The following ADCY1 variants were observed in gnomAD, a reference collection of about 807,000 sequenced individuals.
ADCY1 encodes the protein adenylate cyclase type 1.
A neutral mutation model predicts 105.4 loss-of-function variants in ADCY1; 28 were observed. That is an observed-to-expected ratio of 0.27 (90% CI 0.20 to 0.36). ADCY1 has a LOEUF of 0.36. Ranked by LOEUF, ADCY1 falls within the 10% of genes least tolerant of loss-of-function variation. The pLI, the probability that ADCY1 is intolerant of heterozygous loss-of-function variation, is 1.00. For missense variants in ADCY1, 977 were observed against 1,434.2 expected (o/e 0.68, Z 5.15); for synonymous variants, 655 against 623.8 (o/e 1.05, Z -0.75).
intron 2 of ADCY1, among the ~76,000 whole-genome samples, chr7:45,601,106 G>A (rs1408725463): frequency 1.3e-5 from 2 of 152,224 alleles, no homozygotes; most frequent in Non-Finnish European, 2.9e-5. Flanking sequence ...GGATGAGTGT[G>A]CCTGGACTGG....
intron 8 of ADCY1, among the ~76,000 whole-genome samples, chr7:45,672,621 A>G (rs1784386711): frequency 6.6e-6 from 1 of 152,050 alleles, no homozygotes; most frequent in South Asian, 2.1e-4. Context: ...CATCACTAAT[A>G]TAAAGAAATA....
intron 4 of ADCY1, among the ~76,000 whole-genome samples, chr7:45,631,085 T>A (rs1794235853): frequency 6.6e-6 from 1 of 152,208 alleles, no homozygotes; most frequent in Non-Finnish European, 1.5e-5. Flanking sequence ...AGGACAAGGT[T>A]TACACTCAAT....
chr7:45,677,757 T>C, intron 8 of ADCY1, 112 bp from the exon 9 acceptor site: 2 of 1,173,618 alleles, frequency 1.7e-6, no homozygotes, highest in Non-Finnish European at 2.4e-6. Context: ...AATGTCAGAT[T>C]CCCAAACCCG....
At chr7:45,585,364 G>A (rs1336508947) in intron 1 of ADCY1, among the ~76,000 whole-genome samples, 1 of 150,688 alleles carries the variant, frequency 6.6e-6, no homozygotes, top group African/African-American at 2.4e-5. Flanking sequence ...CATCACAGAT[G>A]TTTCATGAGC....
intron 11 of ADCY1, chr7:45,684,719 A>G: frequency 3.1e-6 from 1 of 319,208 alleles, no homozygotes; most frequent in Non-Finnish European, 5.8e-6. Flanking sequence ...AATCAAAGTT[A>G]CAATGCAAGT....
chr7:45,678,411 G>A (rs1199274642), intron 10 of ADCY1, 148 bp downstream of exon 10: 2 of 742,330 alleles, frequency 2.7e-6, no homozygotes, highest in African/African-American at 1.7e-5. Context: ...TGCCCAACAT[G>A]GCTGACATTA....
intron 1 of ADCY1, among the ~76,000 whole-genome samples, chr7:45,583,939 T>TG (rs1792639535): frequency 2.2e-5 from 2 of 92,512 alleles, no homozygotes; most frequent in South Asian, 5.4e-4. Context: ...TGTGCCCTGT[T>TG]TTTTTTTTTT....
intron 14 of ADCY1, among the ~76,000 whole-genome samples, chr7:45,694,947 T>C (rs1784852059): frequency 6.6e-6 from 1 of 152,252 alleles, no homozygotes; most frequent in Non-Finnish European, 1.5e-5. Flanking sequence ...TAGCCTTTGC[T>C]AATCAGTACT....
chr7:45,632,682 G>A (rs377604443), intron 4 of ADCY1, among the ~76,000 whole-genome samples: 2 of 152,028 alleles, frequency 1.3e-5, no homozygotes, highest in South Asian at 2.1e-4. Context: ...TTCTGCTTCA[G>A]CCTCCTGAGT....
Position 45,575,240 on chromosome 7 carries a change from G to T in ADCY1, c.639+58G>T, listed in dbSNP as rs1455382230. Reference sequence around the variant, plus strand: ...CGGACACACTTGCTGGGACGATGCTGGGAATGCCCGGAGTCGGGCGCGCTT... The same window carrying T: ...CGGACACACTTGCTGGGACGATGCTTGGAATGCCCGGAGTCGGGCGCGCTT... On this transcript the variant is annotated intron_variant, in intron 1 of 19. Transcript: ENST00000297323. The surrounding 1 kb of genome is among the most constrained non-coding windows in gnomAD (Gnocchi z 4.7). The T allele has an allele frequency of 6.7e-5, 102 of 1,512,238 alleles. No homozygotes were observed. Among genetic ancestry groups the T allele is most frequent in the Non-Finnish European group, 8.6e-5 (98 of 1,137,242 alleles). The allele number at this position is 1,512,238 out of a possible 1,614,324, so 93.7% of individuals were successfully genotyped here. A position where few individuals can be genotyped will look rare whatever the true frequency, so the allele number is the denominator to read the frequency against.
intron 8 of ADCY1, among the ~76,000 whole-genome samples, chr7:45,669,967 T>G (rs1337664416): frequency 2.6e-5 from 4 of 152,230 alleles, no homozygotes; most frequent in African/African-American, 9.6e-5. Flanking sequence ...TACCACTAAT[T>G]GTGATGCTTT....
intron 4 of ADCY1, among the ~76,000 whole-genome samples, chr7:45,636,480 CA>C (rs1794400962): frequency 6.6e-6 from 1 of 152,166 alleles, no homozygotes; most frequent in South Asian, 2.1e-4. Context: ...TCCATGGATG[CA>C]GAACCCATGG....
intron 5 of ADCY1, among the ~76,000 whole-genome samples, chr7:45,653,325 G>T (rs913146240): frequency 6.6e-6 from 1 of 152,302 alleles, no homozygotes; most frequent in East Asian, 1.9e-4. Flanking sequence ...AGATGAGGGT[G>T]GCAGGACCAA....
chr7:45,584,613 C>T (rs934882348), intron 1 of ADCY1, among the ~76,000 whole-genome samples: 6 of 152,254 alleles, frequency 3.9e-5, no homozygotes, highest in African/African-American at 1.4e-4. Flanking sequence ...TCCCTGACAA[C>T]TGGGCTCAGT....
At chr7:45,635,503 G>A (rs78450661) in intron 4 of ADCY1, among the ~76,000 whole-genome samples, 2,895 of 147,610 alleles carry the variant, frequency 0.02, 81 homozygotes, top group South Asian at 0.13. Flanking sequence ...ATTTATTGTT[G>A]TAAACTTACC....
At chr7:45,581,371 G>A (rs917161584) in intron 1 of ADCY1, among the ~76,000 whole-genome samples, 29 of 152,160 alleles carry the variant, frequency 1.9e-4, no homozygotes, top group East Asian at 5.8e-4. Flanking sequence ...CAGCTGCAGC[G>A]AGGCGCTGGT....
intron 14 of ADCY1, among the ~76,000 whole-genome samples, chr7:45,692,280 C>A (rs1784798762): frequency 1.3e-5 from 2 of 152,222 alleles, no homozygotes; most frequent in South Asian, 4.1e-4. Flanking sequence ...GTGTTACCAC[C>A]TGCCTCCATC....
At chr7:45,576,357 A>T (rs4724419) in intron 1 of ADCY1, among the ~76,000 whole-genome samples, 1 of 152,080 alleles carries the variant, frequency 6.6e-6, no homozygotes, top group African/African-American at 2.4e-5. Context: ...CAGAGGAGCC[A>T]TGAGATGCTC....
At chr7:45,585,488 G>A (rs370960788) in intron 1 of ADCY1, among the ~76,000 whole-genome samples, 2 of 144,304 alleles carry the variant, frequency 1.4e-5, no homozygotes, top group African/African-American at 5.2e-5. Flanking sequence ...TTGTTACTCA[G>A]GCTGCAGTGC....
Sources: allele counts gnomAD v4.1 joint callset (sites outside exome capture counted in the v4.1 genomes callset), GRCh38; gene constraint gnomAD v4.1.1; non-coding constraint Gnocchi (gnomAD v3.1); transcripts MANE v1.5; gene names NCBI Gene and HGNC (gene_info 2026-07-23, HGNC 2026-07-21).